The following UNC79 variants were observed in gnomAD, a reference collection of about 807,000 sequenced individuals.
UNC79 encodes the protein unc-79 subunit of NALCN channel complex, also known as protein unc-79 homolog.
A neutral mutation model predicts 283.1 loss-of-function variants in UNC79; 37 were observed. The ratio of observed to expected loss-of-function variants is 0.13; its 90% confidence interval spans 0.10 to 0.17. The LOEUF (loss-of-function observed/expected upper bound fraction) is 0.17. Among genes scored for constraint, UNC79 ranks in the 10% least tolerant of loss-of-function variants. The pLI, the probability that UNC79 is intolerant of heterozygous loss-of-function variation, is 1.00. For synonymous variants in UNC79, 1,107 were observed against 1,200.2 expected (o/e 0.92, Z 1.61); for missense variants, 2,272 against 3,211.1 (o/e 0.71, Z 7.07).
At chr14:93,655,192 T>C in intron 37 of UNC79, 42 bp from the exon 41 acceptor site, 1 of 1,603,194 alleles carries the variant, frequency 6.2e-7, no homozygotes, top group Non-Finnish European at 8.5e-7. Flanking sequence ...TGCATTCCCG[T>C]GCTGTTTCAG....
exon 12 of UNC79, chr14:93,538,213 G>C: frequency 6.3e-7 from 1 of 1,589,770 alleles, no homozygotes; most frequent in Non-Finnish European, 8.6e-7. Flanking sequence ...TGGAAGCCGT[G>C]ATCAGGTAAC....
chr14:93,651,834 G>A (rs1357624724), intron 35 of UNC79, among the ~76,000 whole-genome samples: 2 of 151,646 alleles, frequency 1.3e-5, no homozygotes, highest in Non-Finnish European at 2.9e-5. Flanking sequence ...CTGCCTCCTG[G>A]GTTTAAAGGA....
intron 18 of UNC79, 150 bp from the exon 19 acceptor site, chr14:93,579,999 T>C (rs2063696244): frequency 5.6e-6 from 4 of 711,338 alleles, no homozygotes; most frequent in Non-Finnish European, 9.1e-6. Context: ...GAAGCCTATA[T>C]TGTCTTTAAA....
intron 1 of UNC79, among the ~76,000 whole-genome samples, chr14:93,364,563 C>A: frequency 1.8e-5 from 1 of 54,536 alleles, no homozygotes; most frequent in Non-Finnish European, 4.9e-5. Flanking sequence ...GGCTCAGTTT[C>A]AACATATACA....
At chr14:93,667,432 A>C (rs1400861469) in intron 40 of UNC79, among the ~76,000 whole-genome samples, 2 of 148,110 alleles carry the variant, frequency 1.4e-5, no homozygotes, top group Admixed American at 7.0e-5. Context: ...ACCTTATGCC[A>C]GTAAATTTGA....
chr14:93,385,359 T>C (rs1335404800), intron 1 of UNC79, among the ~76,000 whole-genome samples: 2 of 151,850 alleles, frequency 1.3e-5, no homozygotes, highest in Admixed American at 1.3e-4. Flanking sequence ...CACTGTTTTA[T>C]AGTTTTCATT....
chr14:93,348,124 G>C (rs1416008096), intron 1 of UNC79: 1 of 1,568,198 alleles, frequency 6.4e-7, no homozygotes. Flanking sequence ...GAATTAGATG[G>C]AAGATGATGT....
At chr14:93,567,229 TG>T (rs1381213458) in intron 14 of UNC79, among the ~76,000 whole-genome samples, 1 of 152,168 alleles carries the variant, frequency 6.6e-6, no homozygotes, top group African/African-American at 2.4e-5. Flanking sequence ...TCTTTCTTTC[TG>T]TTGTATTTTT....
intron 38 of UNC79, among the ~76,000 whole-genome samples, chr14:93,656,472 G>A (rs949856899): frequency 2.6e-5 from 4 of 151,896 alleles, no homozygotes; most frequent in African/African-American, 9.7e-5. Flanking sequence ...CATAGGCTAG[G>A]CAATATAGTG....
exon 36 of UNC79, chr14:93,653,802 T>C (rs2070590143): frequency 1.2e-6 from 2 of 1,613,964 alleles, no homozygotes; most frequent in Admixed American, 1.7e-5. Context: ...GCATCTTCCA[T>C]CAGTTGGCCC....
intron 23 of UNC79, among the ~76,000 whole-genome samples, chr14:93,596,358 G>A (rs538082089): frequency 6.6e-6 from 1 of 152,330 alleles, no homozygotes; most frequent in East Asian, 1.9e-4. Context: ...CTGTAGGCTG[G>A]GTGCAGTGGC....
intron 1 of UNC79, among the ~76,000 whole-genome samples, chr14:93,380,281 A>G (rs573206513): frequency 6.6e-6 from 1 of 152,314 alleles, no homozygotes; most frequent in Admixed American, 6.5e-5. Context: ...ACACATTAAT[A>G]TATGTTTGTT....
chr14:93,511,670 C>G (rs1003026129), intron 7 of UNC79, among the ~76,000 whole-genome samples: 1 of 152,102 alleles, frequency 6.6e-6, no homozygotes, highest in African/African-American at 2.4e-5. Flanking sequence ...TGGTCTCGAT[C>G]CCTTGACCTC....
chr14:93,571,778 C>A, intron 14 of UNC79, 116 bp from the exon 15 acceptor site: 1 of 1,068,516 alleles, frequency 9.4e-7, no homozygotes, highest in African/African-American at 1.6e-5. Flanking sequence ...TGGCCTAGGA[C>A]TCAGACATGA....
intron 41 of UNC79, among the ~76,000 whole-genome samples, chr14:93,680,054 C>T (rs891217511): frequency 6.6e-6 from 1 of 152,116 alleles, no homozygotes; most frequent in African/African-American, 2.4e-5. Context: ...ATTTCTGAGG[C>T]TTATGCACTT....
chr14:93,634,355 C>A (rs373442946), intron 31 of UNC79, among the ~76,000 whole-genome samples, 166 bp from the exon 34 acceptor site: 2 of 152,104 alleles, frequency 1.3e-5, no homozygotes, highest in Admixed American at 1.3e-4. Flanking sequence ...GAAAGGCATC[C>A]GGAACAGCAG....
intron 5 of UNC79, among the ~76,000 whole-genome samples, chr14:93,494,453 ATC>A (rs1026273321): frequency 2.6e-5 from 4 of 152,188 alleles, no homozygotes; most frequent in Non-Finnish European, 5.9e-5. Flanking sequence ...AGATCTTGAG[ATC>A]TGTTTCAGAC....
At chr14:93,362,739 A>G (rs372078307) in intron 1 of UNC79, among the ~76,000 whole-genome samples, 1 of 152,160 alleles carries the variant, frequency 6.6e-6, no homozygotes, top group African/African-American at 2.4e-5. Context: ...CCAGGAATTT[A>G]TCAACTTTTT....
intron 39 of UNC79, 126 bp from the exon 43 acceptor site, chr14:93,662,478 A>C (rs1217756268): frequency 3.2e-6 from 2 of 631,008 alleles, no homozygotes; most frequent in Admixed American, 6.0e-5. Flanking sequence ...TACAGGAGCC[A>C]CTGGGCAACA....
Sources: gnomAD v4.1 joint callset for allele counts (sites outside exome capture counted in the v4.1 genomes callset) on GRCh38, gnomAD v4.1.1 for gene constraint, MANE v1.5 for transcripts, NCBI Gene and HGNC (gene_info 2026-07-23, HGNC 2026-07-21) for gene names.